Variants in PCDHGA2 observed in about 807,000 individuals in gnomAD.
PCDHGA2 encodes protocadherin gamma subfamily A, 2.
Under a neutral mutation model 59.2 loss-of-function variants are expected in PCDHGA2, and 40 were observed. The ratio of observed to expected loss-of-function variants is 0.68; its 90% CI spans 0.52 to 0.88. The LOEUF (loss-of-function observed/expected upper bound fraction) is 0.88. Ranked by LOEUF, PCDHGA2 falls within the 40% of genes least tolerant of loss-of-function variation. The pLI is 0.00. For missense variants in PCDHGA2, 1,226 were observed against 1,204.0 expected (o/e 1.02, Z -0.27); for synonymous variants, 560 against 526.0 (o/e 1.06, Z -0.89).
At chr5:141,463,650 A>C (rs1206605758) in intron 1 of PCDHGA2, among the ~76,000 whole-genome samples, 1 of 151,746 alleles carries the variant, frequency 6.6e-6, no homozygotes, top group Non-Finnish European at 1.5e-5. Flanking sequence ...ACGGGGTTTC[A>C]CCGTGTTAGC....
At chr5:141,503,325 G>A (rs1002520312) in intron 2 of PCDHGA2, among the ~76,000 whole-genome samples, 10 of 152,104 alleles carry the variant, frequency 6.6e-5, no homozygotes, top group East Asian at 1.9e-4. Flanking sequence ...GGAGGGGCGC[G>A]GTGGCTCACG....
chr5:141,351,481 C>A, intron 1 of PCDHGA2: 1 of 1,613,934 alleles, frequency 6.2e-7, no homozygotes, highest in South Asian at 1.1e-5. Context: ...GAGCCCTAAA[C>A]CGGGAGCAGA....
chr5:141,475,254 C>T (rs776471860), intron 1 of PCDHGA2, among the ~76,000 whole-genome samples: 9 of 152,208 alleles, frequency 5.9e-5, no homozygotes, highest in Admixed American at 1.3e-4. Flanking sequence ...TGCTCTACAA[C>T]TGAGATCATG....
chr5:141,395,248 T>A, intron 1 of PCDHGA2: 1 of 1,561,360 alleles, frequency 6.4e-7, no homozygotes, highest in Non-Finnish European at 8.7e-7. Flanking sequence ...GTGAGTTTAG[T>A]TCTTTGCTTG....
chr5:141,375,205 A>G (rs1771239671), intron 1 of PCDHGA2: 3 of 1,614,000 alleles, frequency 1.9e-6, no homozygotes, highest in Non-Finnish European at 1.7e-6. Flanking sequence ...TGTTCGATCG[A>G]GACTCTGGCC....
In PCDHGA2 at chr5:141,432,867, T is replaced by C; in HGVS notation, c.2425-61940T>C. ...GTAGCGGTGGCCGCGGTCTCCTGCG[T>C]CTTCCTGGCCTTCGTCATCTTGCTG... On this transcript the variant is annotated intron_variant, in intron 1 of 3. Coordinates refer to ENST00000394576, the MANE Select transcript of PCDHGA2 (RefSeq NM_018915.4). The surrounding 1 kb of genome is among the most constrained non-coding windows in gnomAD (Gnocchi z 6.0). 2 of 1,614,182 alleles carry C rather than the reference T, an allele frequency of 1.2e-6. No individual in the cohort carries two copies. The highest frequency in any genetic ancestry group is 1.7e-6 in the Non-Finnish European group (2 of 1,180,010).
intron 1 of PCDHGA2, chr5:141,351,090 C>G: frequency 6.2e-7 from 1 of 1,614,036 alleles, no homozygotes; most frequent in Non-Finnish European, 8.5e-7. Context: ...ATCACCTATG[C>G]CTTCCTCAAT....
chr5:141,454,796 A>ATTTTTTTTTTTTTT lies in PCDHGA2; in HGVS notation c.2425-39995_2425-39982dup, dbSNP rs61612330. ...AAGGAAATAATCCTCCATGGTTCTA[A>ATTTTTTTTTTTTTT]TTTTTTTTTTTTTTTTTTTTTTTTT... On this transcript the variant is annotated intron_variant, in intron 1 of 3. Coordinates refer to ENST00000394576, the MANE Select transcript of PCDHGA2 (RefSeq NM_018915.4). 1.1e-3 allele frequency among the ~76,000 whole-genome samples: 87 copies of ATTTTTTTTTTTTTT among 77,456 alleles called. 11 individuals carry two copies. The highest frequency in any genetic ancestry group is 1.4e-3 in the Admixed American group (8 of 5,554). The allele number at this position is 77,456 out of a possible 152,430, so 50.8% of individuals were successfully genotyped here.
At chr5:141,421,252 G>A in intron 1 of PCDHGA2, 1 of 1,607,158 alleles carries the variant, frequency 6.2e-7, no homozygotes, top group Non-Finnish European at 8.5e-7. Context: ...ACAGCGCGGG[G>A]ACCGCAGTCG....
At chr5:141,352,616 T>G in intron 1 of PCDHGA2, 1 of 1,613,310 alleles carries the variant, frequency 6.2e-7, no homozygotes, top group Non-Finnish European at 8.5e-7. Flanking sequence ...TATGGTTGTA[T>G]GTGCCAGTAA....
Position 141,340,905 on chromosome 5 carries a change from C to G in PCDHGA2, c.1934C>G (p.Ala645Gly), listed in dbSNP as rs751043033. 11 of 1,613,624 alleles carry G rather than the reference C, an allele frequency of 6.8e-6. No individual in the cohort carries two copies. The Middle Eastern group carries it at 5.1e-4, about 75-fold the overall frequency. Reference sequence around the variant, plus strand: ...GCGCTCAAGCAGAGCCTCGTGGTGGCCATCCAGGACCACGGCCAGCCCCCT... The same window carrying G: ...GCGCTCAAGCAGAGCCTCGTGGTGGGCATCCAGGACCACGGCCAGCCCCCT... ...RDALKQSLVVAIQDHGQPPLS... is the reference protein window; with the variant it reads ...RDALKQSLVVGIQDHGQPPLS... The change falls in exon 1 of 4, where the codon GCC becomes GGC. Residue 645 changes from alanine (A) to glycine (G), a missense_variant. Coordinates refer to ENST00000394576, the MANE Select transcript of PCDHGA2 (RefSeq NM_018915.4).
intron 1 of PCDHGA2, chr5:141,370,749 G>A (rs1232741185): frequency 6.2e-7 from 1 of 1,613,930 alleles, no homozygotes; most frequent in Non-Finnish European, 8.5e-7. Flanking sequence ...CTTTTTTCAT[G>A]TAACTGTGCT....
chr5:141,339,181 T>A lies in PCDHGA2; in HGVS notation c.210T>A (p.Gly70=). ...AEQGVRIVSR[G]RSQLFALNPR... The stretch of plus-strand genomic sequence containing the variant: ...AGGGAGTCCGCATCGTCTCCAGAGG[T>A]AGGTCCCAGCTCTTTGCTCTGAACC... Residue 70 remains glycine, a synonymous_variant, in exon 1 of 4, where the codon GGT becomes GGA. Coordinates refer to ENST00000394576, the MANE Select transcript of PCDHGA2 (RefSeq NM_018915.4). 6.2e-7 allele frequency: 1 copy of A among 1,614,006 alleles called. No homozygotes were observed. The highest frequency in any genetic ancestry group is 8.5e-7 in the Non-Finnish European group (1 of 1,179,894).
In PCDHGA2 at chr5:141,452,847, T is replaced by G. The variant is rs575815407; in HGVS notation, c.2425-41960T>G. Among the ~76,000 whole-genome samples, 42 of 152,304 alleles carry G rather than the reference T, an allele frequency of 2.8e-4. 1 individual carries two copies. Among genetic ancestry groups the G allele is most frequent in the Admixed American group, 2.5e-3 (38 of 15,302 alleles). ...AAATCACTTGGTCCAGCCCACACTC[T>G]GGGGAGATGATTTTCTAACTCCATT... On this transcript the variant is annotated intron_variant, in intron 1 of 3. Coordinates refer to ENST00000394576, the MANE Select transcript of PCDHGA2 (RefSeq NM_018915.4).
intron 1 of PCDHGA2, chr5:141,355,995 A>G: frequency 6.2e-7 from 1 of 1,613,888 alleles, no homozygotes; most frequent in South Asian, 1.1e-5. Flanking sequence ...TCACCGTAAA[A>G]GCCACTGATC....
Position 141,345,365 on chromosome 5 carries a change from C to T in PCDHGA2, c.2424+3970C>T, listed in dbSNP as rs745346928. Reference sequence around the variant, plus strand: ...CTCACATCACCCTGCATGTGATTGACATCAATGACAACCCACCCACCTTCC... The same window carrying T: ...CTCACATCACCCTGCATGTGATTGATATCAATGACAACCCACCCACCTTCC... On this transcript the variant is annotated intron_variant, in intron 1 of 3. Coordinates refer to ENST00000394576, the MANE Select transcript of PCDHGA2 (RefSeq NM_018915.4). 30 of 1,614,048 alleles carry T rather than the reference C, an allele frequency of 1.9e-5. No homozygotes were observed. The South Asian group carries it at 2.7e-4, about 15-fold the overall frequency.
chr5:141,364,605 G>C (rs1380468665), intron 1 of PCDHGA2: 7 of 1,614,186 alleles, frequency 4.3e-6, no homozygotes, highest in South Asian at 1.1e-5. Flanking sequence ...AGGATAGACC[G>C]GGAGGAGCTC....
chr5:141,419,037 A>G, intron 1 of PCDHGA2: 1 of 1,613,972 alleles, frequency 6.2e-7, no homozygotes, highest in Middle Eastern at 1.6e-4. Flanking sequence ...GTTCCATTTA[A>G]GATTCATTCT....
At chr5:141,462,043 G>C (rs1310987622) in intron 1 of PCDHGA2, among the ~76,000 whole-genome samples, 1 of 152,100 alleles carries the variant, frequency 6.6e-6, no homozygotes, top group Non-Finnish European at 1.5e-5. Flanking sequence ...GGCGGGTCTT[G>C]AACTCCCGAC....
Sources: allele counts gnomAD v4.1 joint callset (sites outside exome capture counted in the v4.1 genomes callset), GRCh38; gene constraint gnomAD v4.1.1; non-coding constraint Gnocchi (gnomAD v3.1); transcripts MANE v1.5; gene names NCBI Gene and HGNC (gene_info 2026-07-23, HGNC 2026-07-21).